The following ETFBKMT variants were observed in gnomAD, a reference collection of about 807,000 sequenced individuals.
ETFBKMT encodes electron transfer flavoprotein beta subunit lysine methyltransferase.
ETFBKMT carries 13 observed loss-of-function variants against 18.3 expected under a neutral mutation model. The ratio of observed to expected loss-of-function variants is 0.71; its 90% CI spans 0.46 to 1.13. The LOEUF is 1.13. Ranked by LOEUF, ETFBKMT falls within the 50% of genes most tolerant of loss-of-function variation. The probability of loss-of-function intolerance (pLI) is 0.00; values close to 1 mark genes in which losing one functional copy is unlikely to be tolerated. For synonymous variants in ETFBKMT, 84 were observed against 107.9 expected, an observed-to-expected ratio of 0.78 and a Z score of 1.37; for missense variants, 293 against 306.2, an observed-to-expected ratio of 0.96 and a Z score of 0.32.
chr12:31,666,291 A>C, intron 3 of ETFBKMT, 74 bp downstream of exon 3: 3 of 1,445,262 alleles, frequency 2.1e-6, no homozygotes, highest in Non-Finnish European at 2.8e-6. Flanking sequence ...ACACATGCTC[A>C]GTGTGGTAGC....
In ETFBKMT at chr12:31,661,879, C is replaced by T. The variant is rs374322176; in HGVS notation, c.-75C>T. The T allele has an allele frequency of 1.4e-6, 2 of 1,382,734 alleles. No individual in the cohort carries two copies. Among genetic ancestry groups the T allele is most frequent in the Admixed American group, 1.9e-5 (1 of 51,350 alleles). The allele number at this position is 1,382,734 out of a possible 1,614,324, so 85.7% of individuals were successfully genotyped here. A position where few individuals can be genotyped will look rare whatever the true frequency, so the allele number is the denominator to read the frequency against. ...GGTTGAGATCAAGTTGGGAGACACA[C>T]CCTTGTTCATTCTCCTTGAGAAGCA... On this transcript the variant is annotated 5_prime_UTR_variant, in exon 2 of 4. Coordinates refer to ENST00000357721, the MANE Select transcript of ETFBKMT (RefSeq NM_001135863.2).
At chr12:31,663,205 G>A (rs537558905) in intron 2 of ETFBKMT, among the ~76,000 whole-genome samples, 10 of 151,924 alleles carry the variant, frequency 6.6e-5, no homozygotes, top group African/African-American at 2.4e-4. Flanking sequence ...CCATTCTCCT[G>A]CCTCACCCTC....
Sources: allele counts gnomAD v4.1 joint callset (sites outside exome capture counted in the v4.1 genomes callset), GRCh38; gene constraint gnomAD v4.1.1; transcripts MANE v1.5; gene names NCBI Gene and HGNC (gene_info 2026-07-23, HGNC 2026-07-21).